PCNX1: variants seen among roughly 807,000 people sequenced by gnomAD.
The protein encoded by PCNX1 is pecanex-like protein 1.
PCNX1 carries 78 observed loss-of-function variants against 242.2 expected under a neutral mutation model. That is an observed-to-expected ratio of 0.32 (90% CI 0.27 to 0.39). The LOEUF (loss-of-function observed/expected upper bound fraction) is 0.39. Ranked by LOEUF, PCNX1 falls within the 10% of genes least tolerant of loss-of-function variation. The pLI, the probability that PCNX1 is intolerant of heterozygous loss-of-function variation, is 1.00. For synonymous variants in PCNX1, 1,024 were observed against 1,032.9 expected (o/e 0.99, Z 0.17); for missense variants, 2,581 against 2,856.5 (o/e 0.90, Z 2.20).
chr14:71,007,761 T>A (rs555725485), intron 8 of PCNX1, among the ~76,000 whole-genome samples: 1 of 152,286 alleles, frequency 6.6e-6, no homozygotes, highest in South Asian at 2.1e-4. Flanking sequence ...CAATTAAAAT[T>A]TTTTTAATTT....
chr14:70,935,519 G>T (rs1308391668), intron 1 of PCNX1, among the ~76,000 whole-genome samples: 1 of 152,174 alleles, frequency 6.6e-6, no homozygotes, highest in East Asian at 1.9e-4. Context: ...AAGCATTCAT[G>T]ATCTTTGACT....
chr14:71,104,279 A>AT (rs2062547690), intron 32 of PCNX1, among the ~76,000 whole-genome samples: 1 of 152,184 alleles, frequency 6.6e-6, no homozygotes, highest in Non-Finnish European at 1.5e-5. Flanking sequence ...GGTTGTTCAG[A>AT]TTCTTAAATA....
rs768695507 is a variant in PCNX1 at position 71,105,446 on chromosome 14, G to C, written c.6301+6G>C. Reference sequence around the variant, plus strand: ...ATCTTATCCTCCAACACTAGGTAATGTGAAACAAAGTTATATGTCTAATGT... The same window carrying C: ...ATCTTATCCTCCAACACTAGGTAATCTGAAACAAAGTTATATGTCTAATGT... On this transcript the variant is annotated splice_donor_region_variant and intron_variant, in intron 33 of 35. Transcript: ENST00000304743. The C allele has an allele frequency of 9.3e-6, 15 of 1,605,162 alleles. No homozygotes were observed. The South Asian group carries it at 1.3e-4, about 14-fold the overall frequency.
intron 26 of PCNX1, among the ~76,000 whole-genome samples, chr14:71,070,106 T>C (rs1026915372): frequency 1.3e-5 from 2 of 152,248 alleles, no homozygotes; most frequent in African/African-American, 2.4e-5. Flanking sequence ...AAGAAACTGC[T>C]TTCTTCTCAA....
chr14:71,098,036 T>C (rs762532442), intron 30 of PCNX1, among the ~76,000 whole-genome samples: 1 of 152,216 alleles, frequency 6.6e-6, no homozygotes, highest in Admixed American at 6.5e-5. Flanking sequence ...ATTTATTGAA[T>C]AGGGAGTCCT....
chr14:70,967,627 A>G (rs1204057771), intron 3 of PCNX1, among the ~76,000 whole-genome samples: 1 of 152,160 alleles, frequency 6.6e-6, no homozygotes, highest in Non-Finnish European at 1.5e-5. Context: ...TTCATTTTTC[A>G]TGGATGCCTT....
rs574342269 is a variant in PCNX1, at chr14:70,993,418, G to A, written c.2445-2323G>A. On this transcript the variant is annotated intron_variant, in intron 7 of 35. Coordinates refer to ENST00000304743, the MANE Select transcript of PCNX1 (RefSeq NM_014982.3). The stretch of plus-strand genomic sequence containing the variant: ...GCTGGAATCACAGGTGTGAGCCACC[G>A]TGCCTGGCCAAATTGTCTAAATTAA... Among the ~76,000 whole-genome samples, 550 of 152,110 alleles carry A rather than the reference G, an allele frequency of 3.6e-3. 1 individual carries two copies. Among genetic ancestry groups the A allele is most frequent in the African/African-American group, 0.013 (522 of 41,496 alleles).
At chr14:71,075,007 T>C (rs1300734656) in intron 27 of PCNX1, among the ~76,000 whole-genome samples, 2 of 148,838 alleles carry the variant, frequency 1.3e-5, no homozygotes, top group East Asian at 3.9e-4. Flanking sequence ...TTTTTTTTTT[T>C]TTTTTGAGAC....
At chr14:71,049,799 A>T (rs548501551) in intron 22 of PCNX1, among the ~76,000 whole-genome samples, 19 of 152,324 alleles carry the variant, frequency 1.2e-4, no homozygotes, top group Non-Finnish European at 2.5e-4. Context: ...TAAATCAGTT[A>T]AAGTATTTTA....
intron 6 of PCNX1, among the ~76,000 whole-genome samples, chr14:70,984,038 G>A (rs1396499275): frequency 6.6e-6 from 1 of 151,344 alleles, no homozygotes; most frequent in Admixed American, 6.6e-5. Context: ...ACATTACAAT[G>A]TGTTTCAGAA....
At chr14:71,041,916 T>C (rs2060719182) in intron 19 of PCNX1, among the ~76,000 whole-genome samples, 1 of 152,188 alleles carries the variant, frequency 6.6e-6, no homozygotes, top group Admixed American at 6.5e-5. Context: ...AATTTTATTT[T>C]CAGTTTCTTC....
chr14:71,016,012 G>T (rs1295390048), intron 11 of PCNX1, among the ~76,000 whole-genome samples: 1 of 152,090 alleles, frequency 6.6e-6, no homozygotes, highest in Non-Finnish European at 1.5e-5. Context: ...GGGCAACGTA[G>T]ACCCAGTTTC....
intron 8 of PCNX1, among the ~76,000 whole-genome samples, chr14:71,001,164 C>T (rs2059495313): frequency 6.6e-6 from 1 of 151,530 alleles, no homozygotes; most frequent in Non-Finnish European, 1.5e-5. Flanking sequence ...AATCAATTAA[C>T]CCCATTGTTA....
At chr14:71,009,531 G>T in intron 8 of PCNX1, 103 bp from the exon 9 acceptor site, 1 of 582,558 alleles carries the variant, frequency 1.7e-6, no homozygotes, top group Non-Finnish European at 2.8e-6. Flanking sequence ...TAAAGGTTAT[G>T]GTGTATTTTC....
chr14:71,011,663 T>C, intron 10 of PCNX1, 114 bp downstream of exon 10: 1 of 683,880 alleles, frequency 1.5e-6, no homozygotes, highest in Middle Eastern at 4.0e-4. Context: ...ACAAAAATTT[T>C]TTGAAAACTA....
chr14:71,050,341 T>C (rs899238232), intron 22 of PCNX1, among the ~76,000 whole-genome samples: 4 of 152,212 alleles, frequency 2.6e-5, no homozygotes, highest in African/African-American at 9.6e-5. Context: ...GGCTGCTTTC[T>C]ACCTTACTTT....
rs910341937 is a variant in PCNX1 at position 71,033,909 on chromosome 14, G to T, written c.3669-22G>T. 1.1e-5 allele frequency: 14 copies of T among 1,230,678 alleles called. No homozygotes were observed. The East Asian group carries it at 2.5e-4, about 22-fold the overall frequency. The allele number at this position is 1,230,678 out of a possible 1,614,324, so 76.2% of individuals were successfully genotyped here. A position where few individuals can be genotyped will look rare whatever the true frequency, so the allele number is the denominator to read the frequency against. ...TTTTCAGATTATCTATGTATTTTCT[G>T]TTTTTTTTTCTTCACATAAAGCTCT... On this transcript the variant is annotated intron_variant, in intron 17 of 35. Coordinates refer to ENST00000304743, the MANE Select transcript of PCNX1 (RefSeq NM_014982.3).
At chr14:70,959,313 T>C (rs2058115808) in intron 2 of PCNX1, among the ~76,000 whole-genome samples, 1 of 151,012 alleles carries the variant, frequency 6.6e-6, no homozygotes, top group East Asian at 2.0e-4. Context: ...CATGCCATGC[T>C]GGTGAGCTGC....
chr14:70,997,235 C>T (rs1446200761), intron 8 of PCNX1, among the ~76,000 whole-genome samples: 1 of 152,116 alleles, frequency 6.6e-6, no homozygotes, highest in Non-Finnish European at 1.5e-5. Context: ...ATTGCTATTT[C>T]TCTTTGCTCA....
Sources: allele counts gnomAD v4.1 joint callset (sites outside exome capture counted in the v4.1 genomes callset), GRCh38; gene constraint gnomAD v4.1.1; transcripts MANE v1.5; gene names NCBI Gene and HGNC (gene_info 2026-07-23, HGNC 2026-07-21).